KIF25: variants seen among roughly 807,000 people sequenced by gnomAD.
KIF25 encodes the protein kinesin-like protein KIF25.
Under a neutral mutation model 32.9 loss-of-function variants are expected in KIF25, and 19 were observed. That is an observed-to-expected ratio of 0.58 (90% confidence interval 0.40 to 0.85). KIF25 has a LOEUF of 0.85. Among genes scored for constraint, KIF25 ranks in the 40% least tolerant of loss-of-function variants. The pLI is 0.00. For missense variants in KIF25, 485 were observed against 507.0 expected, an observed-to-expected ratio of 0.96 and a Z score of 0.42; for synonymous variants, 225 against 213.7, an observed-to-expected ratio of 1.05 and a Z score of -0.46.
intron 2 of KIF25, among the ~76,000 whole-genome samples, chr6:168,001,992 A>G (rs369916453): frequency 6.8e-5 from 8 of 117,194 alleles, no homozygotes; most frequent in South Asian, 3.1e-4. Flanking sequence ...GCGTAGCCTC[A>G]GGCAGGTGAG....
chr6:168,033,783 T>G, intron 7 of KIF25, 99 bp from the exon 8 acceptor site: 1 of 1,235,236 alleles, frequency 8.1e-7, no homozygotes, highest in Non-Finnish European at 1.1e-6. Context: ...GAATAGGAAA[T>G]GAAATGTATT....
chr6:168,028,353 A>G (rs1218130075), intron 5 of KIF25, among the ~76,000 whole-genome samples: 1 of 152,040 alleles, frequency 6.6e-6, no homozygotes, highest in African/African-American at 2.4e-5. Flanking sequence ...CCCGGCCTGT[A>G]ACACCACTTA....
chr6:168,027,735 A>T (rs1311848884), intron 5 of KIF25, among the ~76,000 whole-genome samples: 3 of 152,050 alleles, frequency 2.0e-5, no homozygotes, highest in Non-Finnish European at 2.9e-5. Context: ...ACGAGGTCAG[A>T]TGCATGGGTT....
Position 168,042,152 on chromosome 6 carries a change from G to C in KIF25, c.829+1G>C. 1 of 1,547,942 alleles carries C rather than the reference G, an allele frequency of 6.5e-7. No homozygotes were observed. Among genetic ancestry groups the C allele is most frequent in the Non-Finnish European group, 8.7e-7 (1 of 1,145,992 alleles). On this transcript the variant is annotated splice_donor_variant, in intron 11 of 12. Coordinates refer to ENST00000643607, the MANE Select transcript of KIF25 (RefSeq NM_030615.4). LOFTEE classifies it high-confidence loss of function. ...GACTCGGCCGGCAGCGAGTGCGTTGGTGAGCAGGGGCAGGCATTTCCCTGG... is the reference window on the plus strand; with the variant it reads ...GACTCGGCCGGCAGCGAGTGCGTTGCTGAGCAGGGGCAGGCATTTCCCTGG...
Position 168,038,467 on chromosome 6 carries a change from G to A in KIF25, c.318-86G>A, listed in dbSNP as rs575229772. ...CCCCAGCAGTCTTACTGAGCATCCT[G>A]TAGGGCGTCTGGGGCTATGATTGGC... is the stretch of plus-strand genomic sequence containing the variant. On this transcript the variant is annotated intron_variant, in intron 8 of 12. Transcript: ENST00000643607. 329 of 1,381,990 alleles carry A rather than the reference G, an allele frequency of 2.4e-4. 2 individuals carry two copies. The South Asian group carries it at 3.9e-3, about 17-fold the overall frequency. The allele number at this position is 1,381,990 out of a possible 1,614,324, so 85.6% of individuals were successfully genotyped here. A position where few individuals can be genotyped will look rare whatever the true frequency, so the allele number is the denominator to read the frequency against.
intron 4 of KIF25, among the ~76,000 whole-genome samples, chr6:168,010,234 A>G (rs1157433355): frequency 7.2e-5 from 11 of 151,898 alleles, no homozygotes; most frequent in Non-Finnish European, 1.0e-4. Flanking sequence ...GCTGTGTCCC[A>G]TAGGTTTTGG....
intron 5 of KIF25, among the ~76,000 whole-genome samples, chr6:168,023,591 C>T (rs761754113): frequency 2.0e-5 from 3 of 151,788 alleles, no homozygotes; most frequent in East Asian, 3.9e-4. Flanking sequence ...TAATAGAGAC[C>T]GGGTTTCACC....
rs1562394727 is a variant in KIF25 at position 168,044,810 on chromosome 6, GTTTTTCTATTT to G, written c.986-15_986-5del. ...TGCTCTTCTTTCCAGCTTGCATGTT[GTTTTTCTATTT>G]TAAAGGAGGCGATGCGAAGTTACTG... On this transcript the variant is annotated splice_polypyrimidine_tract_variant and splice_region_variant and intron_variant, in intron 12 of 12. Coordinates refer to ENST00000643607, the MANE Select transcript of KIF25 (RefSeq NM_030615.4). 2.6e-6 allele frequency: 4 copies of G among 1,565,482 alleles called. No individual in the cohort carries two copies. The highest frequency in any genetic ancestry group is 2.6e-6 in the Non-Finnish European group (3 of 1,151,898).
chr6:168,016,145 G>A (rs1169425471), intron 4 of KIF25, among the ~76,000 whole-genome samples: 2 of 152,192 alleles, frequency 1.3e-5, no homozygotes, highest in African/African-American at 2.4e-5. Flanking sequence ...ATTAGGGACT[G>A]GGAGGTCTGT....
At chr6:168,030,962 C>A in intron 7 of KIF25, 115 bp downstream of exon 7, 1 of 759,236 alleles carries the variant, frequency 1.3e-6, no homozygotes, top group Non-Finnish European at 2.1e-6. Flanking sequence ...TACAGCACTG[C>A]AGAGCATGCC....
intron 5 of KIF25, among the ~76,000 whole-genome samples, chr6:168,028,869 C>T (rs1169243807): frequency 6.6e-6 from 1 of 152,180 alleles, no homozygotes; most frequent in African/African-American, 2.4e-5. Flanking sequence ...AGTCTCATCT[C>T]CCAGCATGTC....
chr6:168,041,987 C>A lies in KIF25; in HGVS notation c.665C>A (p.Ala222Asp). 4.5e-6 allele frequency: 7 copies of A among 1,551,800 alleles called. No homozygotes were observed. The highest frequency in any genetic ancestry group is 6.1e-6 in the Non-Finnish European group (7 of 1,147,204). The change falls in exon 11 of 13, where the codon GCC becomes GAC. Residue 222 changes from alanine (A) to aspartate (D), a missense_variant. Ala to Asp is a moderately radical substitution (Grantham distance 126). This residue lies in a region of KIF25 where 480 missense variants were observed against 470.3 expected (regional missense o/e 1.02). Transcript: ENST00000643607. ...CTTGCAGCAGACCAAGCCTGCAGTG[C>A]CACCCTCCCCAGGGAGCAAACAGAG... is the stretch of plus-strand genomic sequence containing the variant. ...SDSTADQACSATLPREQTEAG... is the reference protein window; with the variant it reads ...SDSTADQACSDTLPREQTEAG...
At chr6:168,005,399 G>T (rs1798566814) in intron 4 of KIF25, among the ~76,000 whole-genome samples, 1 of 152,206 alleles carries the variant, frequency 6.6e-6, no homozygotes, top group African/African-American at 2.4e-5. Context: ...GCCCTGCGGG[G>T]TTGGGCAGAG....
chr6:168,033,141 A>G (rs1336379756), intron 7 of KIF25, among the ~76,000 whole-genome samples: 14 of 152,190 alleles, frequency 9.2e-5, no homozygotes, highest in Admixed American at 9.2e-4. Flanking sequence ...ACCTCAGCAC[A>G]TGTGGATTGA....
Position 168,042,464 on chromosome 6 carries a change from T to A in KIF25, c.830-97T>A, listed in dbSNP as rs933502188. 9.5e-6 allele frequency: 14 copies of A among 1,470,456 alleles called. No homozygotes were observed. The African/African-American group carries it at 1.8e-4, about 19-fold the overall frequency. 91.1% of individuals were successfully genotyped at this position (1,470,456 alleles called of 1,614,324 possible). On this transcript the variant is annotated intron_variant, in intron 11 of 12. Coordinates refer to ENST00000643607, the MANE Select transcript of KIF25 (RefSeq NM_030615.4). The stretch of plus-strand genomic sequence containing the variant: ...CCTGTCCCGTCCATGGCCTCCCCTC[T>A]ACCTGCCTGAGAGCCGCTCCTCCCA...
chr6:168,010,718 T>C, intron 4 of KIF25, among the ~76,000 whole-genome samples: 1 of 151,938 alleles, frequency 6.6e-6, no homozygotes, highest in East Asian at 1.9e-4. Flanking sequence ...GAGAGTGGGG[T>C]GTTGAAGTCC....
Position 168,003,029 on chromosome 6 carries a change from T to C in KIF25, c.-253+370T>C, listed in dbSNP as rs544574700. ...TGCCAGTGATAGGGAGCGGCTGTAA[T>C]TCAGAGAAGCTTTGCTCACTTGCGC... On this transcript the variant is annotated intron_variant, in intron 3 of 12. Coordinates refer to ENST00000643607, the MANE Select transcript of KIF25 (RefSeq NM_030615.4). 3.3e-5 allele frequency among the ~76,000 whole-genome samples: 5 copies of C among 152,352 alleles called. No individual in the cohort carries two copies. In the East Asian group the frequency reaches 9.7e-4, roughly 29 times the overall value.
intron 2 of KIF25, among the ~76,000 whole-genome samples, 174 bp from the exon 3 acceptor site, chr6:168,002,369 T>G (rs1798520042): frequency 6.6e-6 from 1 of 151,908 alleles, no homozygotes; most frequent in South Asian, 2.1e-4. Flanking sequence ...CTTGGGCAGG[T>G]GAGAAAGACA....
At chr6:168,014,474 GA>G (rs1438856269) in intron 4 of KIF25, among the ~76,000 whole-genome samples, 1 of 152,196 alleles carries the variant, frequency 6.6e-6, no homozygotes, top group Non-Finnish European at 1.5e-5. Flanking sequence ...TTTTAAATCA[GA>G]ATCCAAGATG....
Sources: gnomAD v4.1 joint callset for allele counts (sites outside exome capture counted in the v4.1 genomes callset) on GRCh38, gnomAD v4.1.1 for gene constraint, gnomAD v4.1.1 regional missense constraint, MANE v1.5 for transcripts, NCBI Gene and HGNC (gene_info 2026-07-23, HGNC 2026-07-21) for gene names.